The following CSF3R variants were observed in gnomAD, a reference collection of about 807,000 sequenced individuals.
CSF3R encodes the protein colony stimulating factor 3 receptor.
Under a neutral mutation model 84.4 loss-of-function variants are expected in CSF3R, and 52 were observed. That is an observed-to-expected ratio of 0.62 (90% CI 0.49 to 0.78). CSF3R has a LOEUF of 0.78. Among genes scored for constraint, CSF3R ranks in the 30% least tolerant of loss-of-function variants. The pLI is 0.00. For missense variants in CSF3R, 890 were observed against 1,055.7 expected, an observed-to-expected ratio of 0.84 and a Z score of 2.17; for synonymous variants, 384 against 429.1, an observed-to-expected ratio of 0.89 and a Z score of 1.30.
At chr1:36,468,286 C>G in intron 12 of CSF3R, 65 bp from the exon 13 acceptor site, 1 of 1,492,454 alleles carries the variant, frequency 6.7e-7, no homozygotes, top group Non-Finnish European at 9.0e-7. Context: ...GGTTGGACTT[C>G]TTGTGGCTTC....
chr1:36,470,464 C>T (rs1018258386), intron 10 of CSF3R, among the ~76,000 whole-genome samples: 18 of 152,274 alleles, frequency 1.2e-4, no homozygotes, highest in East Asian at 9.6e-4. Context: ...GGATTACAGG[C>T]GTGAGCCACC....
chr1:36,477,812 G>T (rs1212821231), intron 3 of CSF3R: 7 of 151,866 alleles, frequency 4.6e-5, no homozygotes, highest in Non-Finnish European at 4.4e-5. Flanking sequence ...AGGCTGGAGT[G>T]CAGTGGCGTG....
Position 36,466,654 on chromosome 1 carries a change from G to A in CSF3R, c.2214C>T (p.Thr738=), listed in dbSNP as rs745771824. The A allele has an allele frequency of 6.2e-7, 1 of 1,614,162 alleles. No individual in the cohort carries two copies. The highest frequency in any genetic ancestry group is 1.1e-5 in the South Asian group (1 of 91,084). Residue 738 remains threonine, a synonymous_variant, in exon 17 of 17, where the codon ACC becomes ACT. Transcript: ENST00000373106. The surrounding 1 kb of genome is among the most constrained non-coding windows in gnomAD (Gnocchi z 4.6). ...TGGTGCCAGACTGGGATTGGGGCTG[G>A]GTGGAAACTGCTCTTGGGTCCCCCT... is the stretch of plus-strand genomic sequence containing the variant. The part of the protein sequence containing the change: ...VLQGDPRAVS[T]QPQSQSGTSD...
Position 36,468,312 on chromosome 1 carries a change from TG to T in CSF3R, c.1577-92del, listed in dbSNP as rs1650481105. 20 of 1,393,088 alleles carry T rather than the reference TG, an allele frequency of 1.4e-5. 1 individual carries two copies. The South Asian group carries it at 2.9e-4, about 20-fold the overall frequency. 86.3% of individuals were successfully genotyped at this position (1,393,088 alleles called of 1,614,324 possible). ...TTGTGGCTTCCCAGACACTGTGGGG[TG>T]GGTGAGAAAAGAGTCCAAGGGGACT... On this transcript the variant is annotated intron_variant, in intron 12 of 16. Coordinates refer to ENST00000373106, the MANE Select transcript of CSF3R (RefSeq NM_000760.4).
chr1:36,475,292 C>T, intron 4 of CSF3R, 85 bp downstream of exon 4: 2 of 1,551,554 alleles, frequency 1.3e-6, no homozygotes, highest in Non-Finnish European at 1.8e-6. Context: ...CAGGCGTGAG[C>T]CAACGTGCCC....
chr1:36,468,732 A>C, intron 12 of CSF3R: 2 of 224,874 alleles, frequency 8.9e-6, no homozygotes, highest in Non-Finnish European at 1.8e-5. Context: ...TTGTTTATTT[A>C]TTTATTTATT....
Position 36,466,684 on chromosome 1 carries a change from C to T in CSF3R, c.2184G>A (p.Val728=). ...CGLPTLVQTY[V]LQGDPRAVST... is the part of the protein sequence containing the mutation. ...AAACTGCTCTTGGGTCCCCCTGGAG[C>T]ACATAGGTCTGGACCAGAGTGGGGA... is the stretch of plus-strand genomic sequence containing the variant. Residue 728 remains valine (V), a synonymous_variant, in exon 17 of 17, where the codon GTG becomes GTA. Coordinates refer to ENST00000373106, the MANE Select transcript of CSF3R (RefSeq NM_000760.4). The surrounding 1 kb of genome is among the most constrained non-coding windows in gnomAD (Gnocchi z 4.6). 1 of 1,614,188 alleles carries T rather than the reference C, an allele frequency of 6.2e-7. No individual in the cohort carries two copies. The highest frequency in any genetic ancestry group is 1.1e-5 in the South Asian group (1 of 91,084).
rs773212329 is a variant in CSF3R at position 36,467,822 on chromosome 1, C to T, written c.1864G>A (p.Glu622Lys). The change falls in exon 14 of 17, where the codon GAG (glutamate) becomes AAG (lysine). Residue 622 changes from glutamate (E) to lysine (K), a missense_variant and splice_region_variant. Physicochemically the swap from Glu to Lys is moderately conservative, Grantham distance 56. Coordinates refer to ENST00000373106, the MANE Select transcript of CSF3R (RefSeq NM_000760.4). This position sits in a 1 kb window ranked among gnomAD's most constrained non-coding sequence, Gnocchi z 4.1. Reference sequence around the variant, plus strand: ...CTGCCCAGCCCCCGTCTCCCCTTACCTGGGGTCAAGGTCATCAGGGTGAGG... The same window carrying T: ...CTGCCCAGCCCCCGTCTCCCCTTACTTGGGGTCAAGGTCATCAGGGTGAGG... ...TVLTLMTLTP[E>K]GSELHIILGL... 1 of 1,614,264 alleles carries T rather than the reference C, an allele frequency of 6.2e-7. No individual in the cohort carries two copies.
intron 3 of CSF3R, 177 bp from the exon 4 acceptor site, chr1:36,475,850 C>T (rs373402369): frequency 9.7e-6 from 6 of 620,894 alleles, no homozygotes; most frequent in African/African-American, 7.4e-5. Flanking sequence ...GGGGGTGACA[C>T]AGAGATAGTG....
In CSF3R at chr1:36,475,577, T is replaced by C. The variant is rs139917461; in HGVS notation, c.161A>G (p.His54Arg). 11 of 1,613,210 alleles carry C rather than the reference T, an allele frequency of 6.8e-6. No homozygotes were observed. Among genetic ancestry groups the C allele is most frequent in the Admixed American group, 1.7e-5 (1 of 59,990 alleles). The change falls in exon 4 of 17, where the codon CAT (histidine) becomes CGT (arginine). Residue 54 changes from histidine to arginine, a missense_variant. Transcript: ENST00000373106. ...CAGAATCTGTGGCTCCGGGTCCAGA[T>C]GGCTGCAGTTCTGCTTGATGATGCA... ...ASCIIKQNCSHLDPEPQILWR... is the reference protein window; with the variant it reads ...ASCIIKQNCSRLDPEPQILWR...
In CSF3R at chr1:36,473,485, G is replaced by A. The variant is rs372288734; in HGVS notation, c.623C>T (p.Ala208Val). ...TTGTGGGGACATGCTGGTCCCCAGC[G>A]CATTCTCTGCCTGCACCCAGATGCC... ...NMGIWVQAENALGTSMSPQLC... is the reference protein window; with the variant it reads ...NMGIWVQAENVLGTSMSPQLC... Residue 208 changes from alanine to valine, a missense_variant, in exon 6 of 17, where the codon GCG becomes GTG. Ala to Val is a moderately conservative substitution (Grantham distance 64). Transcript: ENST00000373106. The A allele has an allele frequency of 3.3e-5, 53 of 1,613,824 alleles. No homozygotes were observed. Among genetic ancestry groups the A allele is most frequent in the Middle Eastern group, 1.6e-4 (1 of 6,068 alleles).
chr1:36,469,553 C>T, intron 11 of CSF3R, 99 bp downstream of exon 11: 2 of 1,376,740 alleles, frequency 1.5e-6, no homozygotes, highest in Non-Finnish European at 1.0e-6. Flanking sequence ...CTGGAGAATC[C>T]ATGTCTCTTG....
In CSF3R at chr1:36,475,945, C is replaced by T. The variant is rs1483602672; in HGVS notation, c.65-272G>A. 9.7e-6 allele frequency: 4 copies of T among 413,070 alleles called. 1 individual carries two copies. Among genetic ancestry groups the T allele is most frequent in the South Asian group, 8.3e-5 (2 of 24,230 alleles). The allele number at this position is 413,070 out of a possible 1,614,324, so 25.6% of individuals were successfully genotyped here. A position where few individuals can be genotyped will look rare whatever the true frequency, so the allele number is the denominator to read the frequency against. On this transcript the variant is annotated intron_variant, in intron 3 of 16. Transcript: ENST00000373106. ...TGTGTGCCTTTCCGCGGTGTAAGTG[C>T]TCTCACTGTAGCTGATTTCAGCCTA...
chr1:36,471,857 T>C, intron 9 of CSF3R: 2 of 686,864 alleles, frequency 2.9e-6, no homozygotes, highest in Middle Eastern at 4.0e-4. Context: ...CAGCAGGCTC[T>C]TAACTATTCA....
rs563324031 is a variant in CSF3R, at chr1:36,467,072, C to T, written c.2040+158G>A. The T allele has an allele frequency of 1.0e-4, 124 of 1,230,882 alleles. 1 individual carries two copies. The South Asian group carries it at 1.4e-3, about 14-fold the overall frequency. 76.2% of individuals were successfully genotyped at this position (1,230,882 alleles called of 1,614,324 possible). On this transcript the variant is annotated intron_variant, in intron 16 of 16. Transcript: ENST00000373106. This position sits in a 1 kb window ranked among gnomAD's most constrained non-coding sequence, Gnocchi z 4.1. Reference sequence around the variant, plus strand: ...GAGGTGACTGAGGCTTTGAGATGGACAGAGGTGGGATTCAAAGTTGGGTCT... The same window carrying T: ...GAGGTGACTGAGGCTTTGAGATGGATAGAGGTGGGATTCAAAGTTGGGTCT...
chr1:36,479,817 G>A lies in CSF3R; in HGVS notation c.-20-301C>T, dbSNP rs78367659. The stretch of plus-strand genomic sequence containing the variant: ...GAGCAGTGAGGAAGAGCATTCTTCC[G>A]CCTTCCCAGCTATCTAAGCTAGGCT... On this transcript the variant is annotated intron_variant, in intron 2 of 16. Coordinates refer to ENST00000373106, the MANE Select transcript of CSF3R (RefSeq NM_000760.4). Among the ~76,000 whole-genome samples, 4 of 152,312 alleles carry A rather than the reference G, an allele frequency of 2.6e-5. No individual in the cohort carries two copies. In the East Asian group the frequency reaches 5.8e-4, roughly 22 times the overall value.
At chr1:36,480,534 G>C (rs1025065129) in intron 2 of CSF3R, among the ~76,000 whole-genome samples, 3 of 152,172 alleles carry the variant, frequency 2.0e-5, no homozygotes, top group African/African-American at 7.2e-5. Flanking sequence ...TCTTCACCCT[G>C]CTCCCATTGG....
chr1:36,481,348 C>T (rs1488237368), intron 2 of CSF3R, 130 bp downstream of exon 2: 4 of 152,484 alleles, frequency 2.6e-5, no homozygotes, highest in Middle Eastern at 6.8e-3. Context: ...TGGACGTCCC[C>T]CAGCCTGGTT....
chr1:36,482,305 C>CGGG lies in CSF3R; in HGVS notation c.-81+503_-81+505dup, dbSNP rs11295216. ...AATGTACGCCGACCCAGAGAGTGGG[C>CGGG]GGGGGGGGGGCACTCGGAGGCCTGG... On this transcript the variant is annotated intron_variant, in intron 1 of 16. Transcript: ENST00000373106. Among the ~76,000 whole-genome samples the CGGG allele has an allele frequency of 5.8e-4, 71 of 123,034 alleles. 2 individuals are homozygous for CGGG. Among genetic ancestry groups the CGGG allele is most frequent in the African/African-American group, 2.2e-3 (69 of 30,868 alleles). 80.7% of individuals were successfully genotyped at this position (123,034 alleles called of 152,430 possible). A position where few individuals can be genotyped will look rare whatever the true frequency, so the allele number is the denominator to read the frequency against.
Sources: allele counts gnomAD v4.1 joint callset (sites outside exome capture counted in the v4.1 genomes callset), GRCh38; gene constraint gnomAD v4.1.1; non-coding constraint Gnocchi (gnomAD v3.1); transcripts MANE v1.5; gene names NCBI Gene and HGNC (gene_info 2026-07-23, HGNC 2026-07-21).